DGKD: variants seen among roughly 807,000 people sequenced by gnomAD.
The protein encoded by DGKD is DAG kinase delta.
In DGKD, 68 loss-of-function variants were observed where a neutral mutation model predicts 154.4. That is an observed-to-expected ratio of 0.44 (90% CI 0.36 to 0.54). The LOEUF is 0.54. Among genes scored for constraint, DGKD ranks in the 20% least tolerant of loss-of-function variants. The probability of loss-of-function intolerance (pLI) is 0.00; values close to 1 mark genes in which losing one functional copy is unlikely to be tolerated. For synonymous variants in DGKD, 693 were observed against 638.0 expected, an observed-to-expected ratio of 1.09 and a Z score of -1.30; for missense variants, 1,343 against 1,593.6, an observed-to-expected ratio of 0.84 and a Z score of 2.68.
At position 233,449,869 on chromosome 2, in the gene DGKD, GTTGT is replaced by G. The variant is rs1194497909; in HGVS notation, c.1889-109_1889-106del. ...TCGGAGTCCAAGCCTTTAGCCAGAG[GTTGT>G]TTGAGGAAGATCAGGCCGTGGGGTG... On this transcript the variant is annotated intron_variant, in intron 15 of 29. Coordinates refer to ENST00000264057, the MANE Select transcript of DGKD (RefSeq NM_152879.3). The surrounding 1 kb of genome is among the most constrained non-coding windows in gnomAD (Gnocchi z 5.3). 3.1e-6 allele frequency: 4 copies of G among 1,307,790 alleles called. No individual in the cohort carries two copies. The East Asian group carries it at 7.6e-5, about 25-fold the overall frequency. The allele number at this position is 1,307,790 out of a possible 1,614,324, so 81.0% of individuals were successfully genotyped here. A position where few individuals can be genotyped will look rare whatever the true frequency, so the allele number is the denominator to read the frequency against.
At chr2:233,376,957 A>G (rs796543413) in intron 1 of DGKD, among the ~76,000 whole-genome samples, 4 of 150,856 alleles carry the variant, frequency 2.7e-5, no homozygotes, top group South Asian at 2.1e-4. Flanking sequence ...AACCATTTTT[A>G]TTATTATTTT....
At chr2:233,463,566 C>G (rs1575176363) in intron 26 of DGKD, among the ~76,000 whole-genome samples, 1 of 145,968 alleles carries the variant, frequency 6.9e-6, no homozygotes, top group Admixed American at 6.8e-5. Flanking sequence ...CTCCACGCAT[C>G]TCCTCACTCC....
chr2:233,398,442 G>A lies in DGKD; in HGVS notation c.348+7959G>A, dbSNP rs572770037. ...TTAAAGGTGTGAGCCACCGCGCCCG[G>A]CCAATAGGTAAAATATTTTTTAAAA... On this transcript the variant is annotated intron_variant, in intron 3 of 29. Transcript: ENST00000264057. 3.3e-5 allele frequency among the ~76,000 whole-genome samples: 5 copies of A among 152,190 alleles called. No homozygotes were observed. In the South Asian group the frequency reaches 1.0e-3, roughly 32 times the overall value.
chr2:233,428,273 G>A (rs781621084), intron 3 of DGKD, among the ~76,000 whole-genome samples: 1 of 152,274 alleles, frequency 6.6e-6, no homozygotes, highest in South Asian at 2.1e-4. Flanking sequence ...GTGCAGCTGG[G>A]GACCGACATA....
At chr2:233,408,711 G>C (rs1197257433) in intron 3 of DGKD, among the ~76,000 whole-genome samples, 1 of 152,234 alleles carries the variant, frequency 6.6e-6, no homozygotes, top group Non-Finnish European at 1.5e-5. Context: ...GCACCGGGCA[G>C]AGTAGGTGCT....
At chr2:233,468,598 C>G in intron 29 of DGKD, 45 bp downstream of exon 29, 1 of 1,609,390 alleles carries the variant, frequency 6.2e-7, no homozygotes, top group Non-Finnish European at 8.5e-7. Flanking sequence ...TGGGCTTGCA[C>G]GCAGCTCCCT....
At chr2:233,399,878 A>G (rs574350666) in intron 3 of DGKD, among the ~76,000 whole-genome samples, 5 of 152,218 alleles carry the variant, frequency 3.3e-5, no homozygotes, top group East Asian at 1.9e-4. Flanking sequence ...AGAGCCATGC[A>G]CTGCAGGCGG....
At chr2:233,396,929 GGGGGGGC>G (rs1704087842) in intron 3 of DGKD, among the ~76,000 whole-genome samples, 2 of 129,294 alleles carry the variant, frequency 1.5e-5, no homozygotes, top group African/African-American at 3.0e-5. Context: ...AGCGTGGCTG[GGGGGGGC>G]CAGAGCGAGA....
In DGKD at chr2:233,446,750, A is replaced by G. The variant is rs747695281; in HGVS notation, c.1373A>G (p.Gln458Arg). 6.2e-7 allele frequency: 1 copy of G among 1,614,026 alleles called. No homozygotes were observed. The highest frequency in any genetic ancestry group is 2.2e-5 in the East Asian group (1 of 44,884). ...GCATACGAGGCCAAGCTCCCCCGGC[A>G]GGCCTCCTCCTCTACCGTCACCGAA... ...VMAYEAKLPR[Q>R]ASSSTVTEDF... Residue 458 changes from glutamine (Q) to arginine (R), a missense_variant, in exon 12 of 30, where the codon CAG (glutamine) becomes CGG (arginine). Physicochemically the swap from Gln to Arg is conservative, Grantham distance 43. Around this residue, in one of 6 missense-constraint regions of DGKD, gnomAD observed 409 missense variants for 446.0 expected, o/e 0.92. Coordinates refer to ENST00000264057, the MANE Select transcript of DGKD (RefSeq NM_152879.3).
intron 3 of DGKD, among the ~76,000 whole-genome samples, chr2:233,413,965 C>A (rs2061894420): frequency 6.6e-6 from 1 of 152,152 alleles, no homozygotes; most frequent in Non-Finnish European, 1.5e-5. Flanking sequence ...CCATTGTAAG[C>A]TTGGTTAGTG....
At chr2:233,360,950 C>G (rs924199417) in intron 1 of DGKD, among the ~76,000 whole-genome samples, 3 of 151,488 alleles carry the variant, frequency 2.0e-5, no homozygotes, top group African/African-American at 7.3e-5. Flanking sequence ...CCTTGATCTC[C>G]GACTTCCAGC....
Position 233,438,509 on chromosome 2 carries a change from C to A in DGKD, c.1085+130C>A. 1.7e-6 allele frequency: 2 copies of A among 1,169,776 alleles called. No homozygotes were observed. Among genetic ancestry groups the A allele is most frequent in the African/African-American group, 1.6e-5 (1 of 64,082 alleles). The allele number at this position is 1,169,776 out of a possible 1,614,324, so 72.5% of individuals were successfully genotyped here. A position where few individuals can be genotyped will look rare whatever the true frequency, so the allele number is the denominator to read the frequency against. On this transcript the variant is annotated intron_variant, in intron 9 of 29. Coordinates refer to ENST00000264057, the MANE Select transcript of DGKD (RefSeq NM_152879.3). The surrounding 1 kb of genome is among the most constrained non-coding windows in gnomAD (Gnocchi z 4.1). ...AAAGAAAAGTTGAACTGCTTCCTTC[C>A]CAAATTGCACTTGCAGAGGTGCCCA...
At chr2:233,370,567 CTTCTT>C (rs1316664472) in intron 1 of DGKD, among the ~76,000 whole-genome samples, 9 of 114,380 alleles carry the variant, frequency 7.9e-5, no homozygotes, top group Non-Finnish European at 1.6e-4. Flanking sequence ...TTCAGAACTT[CTTCTT>C]TTTTTTTTTT....
intron 1 of DGKD, among the ~76,000 whole-genome samples, chr2:233,363,290 G>A (rs1161451622): frequency 6.6e-6 from 1 of 151,816 alleles, no homozygotes; most frequent in African/African-American, 2.4e-5. Context: ...CTAGGCTAAT[G>A]TGTGTGTTTG....
At chr2:233,391,041 T>C (rs1044055563) in intron 3 of DGKD, among the ~76,000 whole-genome samples, 2 of 152,230 alleles carry the variant, frequency 1.3e-5, no homozygotes, top group Non-Finnish European at 2.9e-5. Context: ...CTGGTTCACA[T>C]CTTACTACCT....
intron 1 of DGKD, among the ~76,000 whole-genome samples, chr2:233,360,589 A>G (rs558896175): frequency 4.0e-5 from 6 of 151,872 alleles, no homozygotes; most frequent in African/African-American, 1.2e-4. Flanking sequence ...GGGTCTTGCT[A>G]TATTCCCCAG....
intron 29 of DGKD, among the ~76,000 whole-genome samples, chr2:233,469,006 A>G (rs1343158300): frequency 1.3e-5 from 2 of 152,170 alleles, no homozygotes; most frequent in Admixed American, 6.5e-5. Flanking sequence ...GTTGGCCTCA[A>G]CGGGCCAACC....
chr2:233,451,939 C>T (rs1259942770), intron 17 of DGKD, 25 bp from the exon 18 acceptor site: 5 of 1,610,224 alleles, frequency 3.1e-6, no homozygotes, highest in Non-Finnish European at 4.2e-6. Context: ...ACCAGCACCA[C>T]CTCTTTCTTG....
intron 6 of DGKD, 152 bp from the exon 7 acceptor site, chr2:233,436,164 A>G (rs2062687789): frequency 7.4e-6 from 10 of 1,344,850 alleles, no homozygotes; most frequent in African/African-American, 2.9e-5. Context: ...ATGGTACTTC[A>G]CAGGCCCTGC....
Sources: allele counts gnomAD v4.1 joint callset (sites outside exome capture counted in the v4.1 genomes callset), GRCh38; gene constraint gnomAD v4.1.1; regional missense constraint gnomAD v4.1.1; non-coding constraint Gnocchi (gnomAD v3.1); transcripts MANE v1.5; gene names NCBI Gene and HGNC (gene_info 2026-07-23, HGNC 2026-07-21).